ZFP91: variants seen among roughly 807,000 people sequenced by gnomAD.
The protein encoded by ZFP91 is ZFP91 zinc finger protein, atypical E3 ubiquitin ligase, also known as E3 ubiquitin-protein ligase ZFP91.
In ZFP91, 7 loss-of-function variants were observed where a neutral mutation model predicts 63.5. The observed-to-expected ratio is 0.11, with a 90% confidence interval of 0.06 to 0.21. The LOEUF is 0.21. Ranked by LOEUF, ZFP91 falls within the 10% of genes least tolerant of loss-of-function variation. The probability of loss-of-function intolerance (pLI) is 1.00; values close to 1 mark genes in which losing one functional copy is unlikely to be tolerated. For missense variants in ZFP91, 628 were observed against 736.6 expected (o/e 0.85, Z 1.71); for synonymous variants, 330 against 272.1 (o/e 1.21, Z -2.10).
intron 2 of ZFP91, among the ~76,000 whole-genome samples, chr11:58,609,543 G>A (rs181562759): frequency 1.3e-5 from 2 of 152,286 alleles, no homozygotes; most frequent in East Asian, 3.9e-4. Context: ...AGAATTTCAT[G>A]AATCCAGTTA....
intron 4 of ZFP91, 33 bp downstream of exon 4, chr11:58,610,367 C>T (rs1276410824): frequency 6.4e-6 from 10 of 1,554,954 alleles, no homozygotes; most frequent in Non-Finnish European, 8.7e-6. Flanking sequence ...ATTTTTAAAC[C>T]TTTGGGGACA....
chr11:58,579,598 A>G lies in ZFP91; in HGVS notation c.317A>G (p.Gln106Arg), dbSNP rs747211346. The change falls in exon 1 of 11, where the codon CAG becomes CGG. Residue 106 changes from glutamine to arginine, a missense_variant. Around this residue, in one of 3 missense-constraint regions of ZFP91, gnomAD observed 437 missense variants for 380.3 expected, o/e 1.15. Transcript: ENST00000316059. The part of the protein sequence containing the change: ...PQAAKSPSPV[Q>R]GKKSPRLLCI... ...GCCGCGAAGTCCCCGTCTCCAGTTCAGGGCAAGAAGAGTCCGCGACTCCTG... is the reference window on the plus strand; with the variant it reads ...GCCGCGAAGTCCCCGTCTCCAGTTCGGGGCAAGAAGAGTCCGCGACTCCTG... 4 of 1,575,506 alleles carry G rather than the reference A, an allele frequency of 2.5e-6. No homozygotes were observed. Among genetic ancestry groups the G allele is most frequent in the Non-Finnish European group, 3.4e-6 (4 of 1,164,778 alleles).
chr11:58,610,043 C>T lies in ZFP91; in HGVS notation c.580+4C>T. On this transcript the variant is annotated splice_donor_region_variant and intron_variant, in intron 3 of 10. Transcript: ENST00000316059. ...AATACAGACCAACTTGATTATGGTA[C>T]AGTGCAACTAGAATATGGCTGTTTA... is the stretch of plus-strand genomic sequence containing the variant. The T allele has an allele frequency of 6.2e-7, 1 of 1,613,962 alleles. No homozygotes were observed. The highest frequency in any genetic ancestry group is 8.5e-7 in the Non-Finnish European group (1 of 1,179,874).
rs58832807 is a variant in ZFP91, at chr11:58,619,483, GA to G, written c.*1789del. The G allele has an allele frequency of 9.7e-4, 136 of 140,770 alleles. No homozygotes were observed. In the Middle Eastern group the frequency reaches 0.011, roughly 11 times the overall value. The allele number at this position is 140,770 out of a possible 1,614,324, so 8.7% of individuals were successfully genotyped here. A position where few individuals can be genotyped will look rare whatever the true frequency, so the allele number is the denominator to read the frequency against. On this transcript the variant is annotated 3_prime_UTR_variant, in exon 11 of 11. Coordinates refer to ENST00000316059, the MANE Select transcript of ZFP91 (RefSeq NM_053023.5). ...TCTTGGAAAGAATGACGTTTTGCTG[GA>G]AAAAAAAAAAAGAACAGTTTGTGTT...
At chr11:58,583,554 T>G (rs1855154066) in intron 1 of ZFP91, among the ~76,000 whole-genome samples, 1 of 152,102 alleles carries the variant, frequency 6.6e-6, no homozygotes, top group Non-Finnish European at 1.5e-5. Flanking sequence ...TGTACAAGAC[T>G]GAAATCCTGT....
intron 2 of ZFP91, among the ~76,000 whole-genome samples, chr11:58,599,870 A>G (rs142938385): frequency 9.0e-4 from 137 of 152,140 alleles, no homozygotes; most frequent in Admixed American, 2.2e-3. Context: ...TATATATGGT[A>G]TAAGGTAGGA....
chr11:58,593,001 C>T (rs545650292), intron 2 of ZFP91, among the ~76,000 whole-genome samples: 1 of 152,142 alleles, frequency 6.6e-6, no homozygotes, highest in African/African-American at 2.4e-5. Flanking sequence ...AACCAGGTCT[C>T]ACATGAAGCA....
At chr11:58,587,428 A>G (rs1855230021) in intron 2 of ZFP91, among the ~76,000 whole-genome samples, 1 of 152,200 alleles carries the variant, frequency 6.6e-6, no homozygotes, top group Non-Finnish European at 1.5e-5. Context: ...GGTGGAGGTG[A>G]CATTTGAGAT....
In ZFP91 at chr11:58,618,329, C is replaced by T. The variant is rs1855786435; in HGVS notation, c.*623C>T. On this transcript the variant is annotated 3_prime_UTR_variant, in exon 11 of 11. Transcript: ENST00000316059. ...GATATATGGGGACCACCTCCCCCTT[C>T]TTTGATCCCAGCATCTCAGTCCCCC... 1 of 191,878 alleles carries T rather than the reference C, an allele frequency of 5.2e-6. No homozygotes were observed. The highest frequency in any genetic ancestry group is 1.1e-5 in the Non-Finnish European group (1 of 92,764). The allele number at this position is 191,878 out of a possible 1,614,324, so 11.9% of individuals were successfully genotyped here.
Position 58,619,132 on chromosome 11 carries a change from T to C in ZFP91, c.*1426T>C, listed in dbSNP as rs907138277. The C allele has an allele frequency of 6.5e-6, 1 of 153,766 alleles. No homozygotes were observed. Among genetic ancestry groups the C allele is most frequent in the Non-Finnish European group, 1.5e-5 (1 of 68,932 alleles). 9.5% of individuals were successfully genotyped at this position (153,766 alleles called of 1,614,324 possible). A position where few individuals can be genotyped will look rare whatever the true frequency, so the allele number is the denominator to read the frequency against. On this transcript the variant is annotated 3_prime_UTR_variant, in exon 11 of 11. Transcript: ENST00000316059. ...AAAATTTTAAGTCAAAGAAAACTGC[T>C]CTGTTTCCCCTTTAGTAACACTTCT... is the stretch of plus-strand genomic sequence containing the variant.
chr11:58,587,085 G>A (rs1176720313), intron 2 of ZFP91, among the ~76,000 whole-genome samples: 1 of 151,938 alleles, frequency 6.6e-6, no homozygotes, highest in Non-Finnish European at 1.5e-5. Context: ...AAATTAAGTT[G>A]CAAAGTTGCA....
chr11:58,611,121 T>C, intron 5 of ZFP91, 67 bp downstream of exon 5: 1 of 1,413,824 alleles, frequency 7.1e-7, no homozygotes, highest in Non-Finnish European at 9.9e-7. Flanking sequence ...TTGCATGCTT[T>C]TATTTTATCT....
At chr11:58,597,489 A>T (rs778232131) in intron 2 of ZFP91, among the ~76,000 whole-genome samples, 129 of 152,236 alleles carry the variant, frequency 8.5e-4, no homozygotes, top group Non-Finnish European at 8.8e-4. Context: ...TTCTCCTATT[A>T]TCTTGACATT....
At position 58,579,241 on chromosome 11, in the gene ZFP91, C is replaced by A; in HGVS notation, c.-41C>A. On this transcript the variant is annotated 5_prime_UTR_variant, in exon 1 of 11. Coordinates refer to ENST00000316059, the MANE Select transcript of ZFP91 (RefSeq NM_053023.5). ...AGCGCCGAGGCCGCCGCCTCCGCCT[C>A]CGCCGCCTAGGACTAGGGGGTGGGG... 1 of 1,368,758 alleles carries A rather than the reference C, an allele frequency of 7.3e-7. No individual in the cohort carries two copies. The allele number at this position is 1,368,758 out of a possible 1,614,324, so 84.8% of individuals were successfully genotyped here.
chr11:58,595,664 G>A (rs934117252), intron 2 of ZFP91, among the ~76,000 whole-genome samples: 2 of 150,410 alleles, frequency 1.3e-5, no homozygotes, highest in Admixed American at 6.7e-5. Context: ...TGCAACCTCT[G>A]CCTCCTGGGT....
chr11:58,580,629 G>C (rs1176997059), intron 1 of ZFP91, among the ~76,000 whole-genome samples: 1 of 152,170 alleles, frequency 6.6e-6, no homozygotes, highest in Non-Finnish European at 1.5e-5. Context: ...ACTTACACCA[G>C]ACCTAATAGA....
Position 58,610,306 on chromosome 11 carries a change from G to A in ZFP91, c.589G>A (p.Glu197Lys). 1.3e-6 allele frequency: 2 copies of A among 1,597,328 alleles called. No homozygotes were observed. Among genetic ancestry groups the A allele is most frequent in the Non-Finnish European group, 8.5e-7 (1 of 1,175,260 alleles). ...NTDQLDYDVGEEHQSPGGISS... is the reference protein window; with the variant it reads ...NTDQLDYDVGKEHQSPGGISS... ...TGGCTTTGTTTTTCTAGATGTTGGA[G>A]AAGAGCATCAGTCTCCAGGTGGCAT... The change falls in exon 4 of 11, where the codon GAA becomes AAA. Residue 197 changes from glutamate to lysine, a missense_variant. By Grantham distance (56) the Glu-to-Lys change is moderately conservative. Transcript: ENST00000316059.
intron 1 of ZFP91, among the ~76,000 whole-genome samples, chr11:58,582,746 A>C (rs1855140075): frequency 6.6e-6 from 1 of 152,198 alleles, no homozygotes; most frequent in Admixed American, 6.5e-5. Context: ...TGAATTTGCG[A>C]GATGACATAT....
chr11:58,591,211 AT>A, intron 2 of ZFP91, among the ~76,000 whole-genome samples: 1 of 152,308 alleles, frequency 6.6e-6, no homozygotes, highest in African/African-American at 2.4e-5. Context: ...TGAATTTTAC[AT>A]AAATGGGATA....
Sources: allele counts gnomAD v4.1 joint callset (sites outside exome capture counted in the v4.1 genomes callset), GRCh38; gene constraint gnomAD v4.1.1; regional missense constraint gnomAD v4.1.1; transcripts MANE v1.5; gene names NCBI Gene and HGNC (gene_info 2026-07-23, HGNC 2026-07-21).